EIF5A: variants seen among roughly 807,000 people sequenced by gnomAD.
The protein encoded by EIF5A is eukaryotic translation initiation factor 5A, also known as eukaryotic translation initiation factor 5A-1.
A neutral mutation model predicts 16.6 loss-of-function variants in EIF5A; 1 was observed. The ratio of observed to expected loss-of-function variants is 0.06; its 90% CI spans 0.02 to 0.28. The LOEUF is 0.28. Among genes scored for constraint, EIF5A ranks in the 10% least tolerant of loss-of-function variants. EIF5A has a pLI of 1.00. For missense variants in EIF5A, 29 were observed against 196.1 expected (o/e 0.15, Z 5.09); for synonymous variants, 80 against 73.6 (o/e 1.09, Z -0.44).
At chr17:7,308,628 T>C in intron 1 of EIF5A, 2 of 1,339,368 alleles carry the variant, frequency 1.5e-6, no homozygotes, top group Non-Finnish European at 9.9e-7. Flanking sequence ...AAACAGGGCG[T>C]TTGGACAGGA....
At chr17:7,311,307 C>T (rs1426325334) in intron 3 of EIF5A, 43 bp from the exon 4 acceptor site, 2 of 1,613,558 alleles carry the variant, frequency 1.2e-6, no homozygotes, top group Middle Eastern at 1.7e-4. Context: ...TGTCAGCCTC[C>T]CTGGGCCTAC....
upstream of EIF5A, chr17:7,307,517 T>G (rs7220464): frequency 0.64 from 634,254 of 997,716 alleles, 203,463 homozygotes; most frequent in East Asian, 0.96. Flanking sequence ...TGGAGATGGG[T>G]AGGGTGTGTG....
intron 2 of EIF5A, chr17:7,310,541 T>G: frequency 9.1e-7 from 1 of 1,099,512 alleles, no homozygotes. Context: ...CTCTGTGCTC[T>G]TCTGGCTTCC....
In EIF5A at chr17:7,310,477, TC is replaced by T. The variant is rs2072787250; in HGVS notation, c.166-539del. The stretch of plus-strand genomic sequence containing the variant: ...GTGGTGTTTTTCCTTAATCAGTTTT[TC>T]CATCTTTTGACTTGACATTGATCTT... On this transcript the variant is annotated intron_variant, in intron 2 of 5. Coordinates refer to ENST00000336458, the MANE Select transcript of EIF5A (RefSeq NM_001970.5). 5.1e-6 allele frequency: 6 copies of T among 1,172,738 alleles called. No individual in the cohort carries two copies. The South Asian group carries it at 1.0e-4, about 20-fold the overall frequency. The allele number at this position is 1,172,738 out of a possible 1,614,324, so 72.6% of individuals were successfully genotyped here. A position where few individuals can be genotyped will look rare whatever the true frequency, so the allele number is the denominator to read the frequency against.
chr17:7,310,614 C>T (rs975021421), intron 2 of EIF5A: 17 of 985,272 alleles, frequency 1.7e-5, no homozygotes, highest in African/African-American at 1.6e-4. Flanking sequence ...AGCTCTTTCA[C>T]ATTTCTTAGT....
chr17:7,308,314 C>T (rs985604681), intron 1 of EIF5A: 9 of 1,154,630 alleles, frequency 7.8e-6, no homozygotes, highest in South Asian at 3.3e-5. Flanking sequence ...CATGGCAGCG[C>T]GGGGACCCCT....
At chr17:7,310,882 T>C in intron 2 of EIF5A, 136 bp from the exon 3 acceptor site, 1 of 1,429,852 alleles carries the variant, frequency 7.0e-7, no homozygotes, top group African/African-American at 1.4e-5. Flanking sequence ...TTGAGTTGAC[T>C]GGTTCAATTC....
intron 2 of EIF5A, chr17:7,310,452 G>A: frequency 8.5e-7 from 1 of 1,174,696 alleles, no homozygotes; most frequent in Non-Finnish European, 1.1e-6. Context: ...TGAATTTCTT[G>A]TGGTGTTTTT....
chr17:7,311,425 G>C lies in EIF5A; in HGVS notation c.346G>C (p.Glu116Gln). The C allele has an allele frequency of 1.2e-6, 2 of 1,614,150 alleles. No homozygotes were observed. The highest frequency in any genetic ancestry group is 1.7e-6 in the Non-Finnish European group (2 of 1,180,030). ...GGTACGAGAGGACCTTCGTCTCCCT[G>C]AGGGAGACCTTGGCAAGGAGATTGA... ...GEVREDLRLP[E>Q]GDLGKEIEQK... is the part of the protein sequence containing the mutation. The change falls in exon 4 of 6, where the codon GAG becomes CAG. Residue 116 changes from glutamate (E) to glutamine (Q), a missense_variant. Transcript: ENST00000336458.
intron 1 of EIF5A, chr17:7,308,241 TGCCCCCCACGGGAG>T: frequency 9.8e-7 from 1 of 1,021,224 alleles, no homozygotes; most frequent in Non-Finnish European, 1.2e-6. Context: ...GCACCGGAAG[TGCCCCCCACGGGAG>T]GCTGCCCTCG....
chr17:7,307,969 A>G (rs2143007910), intron 1 of EIF5A: 2 of 981,820 alleles, frequency 2.0e-6, no homozygotes, highest in Non-Finnish European at 2.4e-6. Context: ...GGAGCGACGC[A>G]GGGCGGGGGA....
Position 7,307,662 on chromosome 17 carries a change from G to T in EIF5A, c.-112G>T. On this transcript the variant is annotated 5_prime_UTR_variant, in exon 1 of 6. Transcript: ENST00000336458. ...CCCGTGTGCAGCAGCGGCGGCGGCG[G>T]TAGAGGCGGCGGCGGCGGCGGCAGC... 9.5e-7 allele frequency: 1 copy of T among 1,050,776 alleles called. No individual in the cohort carries two copies. Among genetic ancestry groups the T allele is most frequent in the South Asian group, 2.9e-5 (1 of 34,924 alleles). 65.1% of individuals were successfully genotyped at this position (1,050,776 alleles called of 1,614,324 possible). A position where few individuals can be genotyped will look rare whatever the true frequency, so the allele number is the denominator to read the frequency against.
At chr17:7,311,743 C>CTA (rs750671583) in intron 5 of EIF5A, 79 bp from the exon 6 acceptor site, 5 of 1,514,208 alleles carry the variant, frequency 3.3e-6, no homozygotes, top group Admixed American at 1.9e-5. Context: ...TTACTTTCTG[C>CTA]CCCTAGCCTG....
At chr17:7,307,996 AGCCACGCGGGAGAGGCCGCCAGGCG>A (rs1353946656) in intron 1 of EIF5A, 1 of 984,702 alleles carries the variant, frequency 1.0e-6, no homozygotes, top group Non-Finnish European at 1.2e-6. Flanking sequence ...GCCGCGAGGC[AGCCACGCGGGAGAGGCCGCCAGGCG>A]GCCACGCCGG....
At chr17:7,308,009 A>G (rs1453084780) in intron 1 of EIF5A, 1 of 983,238 alleles carries the variant, frequency 1.0e-6, no homozygotes. Flanking sequence ...CACGCGGGAG[A>G]GGCCGCCAGG....
chr17:7,309,913 G>C, intron 2 of EIF5A, 113 bp downstream of exon 2: 2 of 1,604,450 alleles, frequency 1.2e-6, no homozygotes, highest in Middle Eastern at 1.7e-4. Context: ...TTTACTGTCT[G>C]ATTGTTTTTG....
At position 7,307,649 on chromosome 17, in the gene EIF5A, A is replaced by T; in HGVS notation, c.-125A>T. 1 of 1,050,720 alleles carries T rather than the reference A, an allele frequency of 9.5e-7. No homozygotes were observed. 65.1% of individuals were successfully genotyped at this position (1,050,720 alleles called of 1,614,324 possible). ...CTGCGTACTAAGACCCGTGTGCAGC[A>T]GCGGCGGCGGCGGTAGAGGCGGCGG... On this transcript the variant is annotated 5_prime_UTR_variant, in exon 1 of 6. Coordinates refer to ENST00000336458, the MANE Select transcript of EIF5A (RefSeq NM_001970.5).
upstream of EIF5A, chr17:7,307,498 G>C: frequency 9.8e-7 from 1 of 1,024,050 alleles, no homozygotes; most frequent in Non-Finnish European, 1.2e-6. Flanking sequence ...GGGTCGGTGG[G>C]AGGGAGGGTG....
rs1213287636 is a variant in EIF5A, at chr17:7,307,666, AGGCGGCGGCGGCGGCGGCAGC to A, written c.-105_-85del. 1.9e-6 allele frequency: 2 copies of A among 1,049,278 alleles called. No individual in the cohort carries two copies. The highest frequency in any genetic ancestry group is 1.8e-5 in the African/African-American group (1 of 57,094). 65.0% of individuals were successfully genotyped at this position (1,049,278 alleles called of 1,614,324 possible). ...TGTGCAGCAGCGGCGGCGGCGGTAG[AGGCGGCGGCGGCGGCGGCAGC>A]GGGCTCGGAGGCAGCGGTTGGGCTC... On this transcript the variant is annotated 5_prime_UTR_variant, in exon 1 of 6. Coordinates refer to ENST00000336458, the MANE Select transcript of EIF5A (RefSeq NM_001970.5).
Sources: gnomAD v4.1 joint callset for allele counts on GRCh38, gnomAD v4.1.1 for gene constraint, MANE v1.5 for transcripts, NCBI Gene and HGNC (gene_info 2026-07-23, HGNC 2026-07-21) for gene names.